The following NPFFR2 variants were observed in gnomAD, a reference collection of about 807,000 sequenced individuals.
NPFFR2 encodes the protein neuropeptide FF receptor 2.
NPFFR2 carries 15 observed loss-of-function variants against 13.1 expected under a neutral mutation model. The ratio of observed to expected loss-of-function variants is 1.15; its 90% confidence interval spans 0.77 to 1.76. NPFFR2 has a LOEUF of 1.76. Ranked by LOEUF, NPFFR2 falls within the 40% of genes most tolerant of loss-of-function variation. NPFFR2 has a pLI of 0.00. For synonymous variants in NPFFR2, 190 were observed against 175.7 expected, an observed-to-expected ratio of 1.08 and a Z score of -0.65; for missense variants, 572 against 503.5, an observed-to-expected ratio of 1.14 and a Z score of -1.30.
chr4:72,092,632 GT>G (rs1020236229), intron 1 of NPFFR2, among the ~76,000 whole-genome samples: 15 of 152,058 alleles, frequency 9.9e-5, no homozygotes, highest in African/African-American at 3.6e-4. Context: ...TTTAAAGTTT[GT>G]TTTGTCTGGT....
intron 1 of NPFFR2, among the ~76,000 whole-genome samples, chr4:72,063,594 C>T (rs956152499): frequency 1.3e-5 from 2 of 152,124 alleles, no homozygotes; most frequent in Admixed American, 6.5e-5. Context: ...GGTTTCAAAA[C>T]ATAATATTAG....
chr4:72,141,931 A>G, intron 3 of NPFFR2, among the ~76,000 whole-genome samples: 1 of 152,052 alleles, frequency 6.6e-6, no homozygotes, highest in East Asian at 1.9e-4. Flanking sequence ...TGCTTTATGA[A>G]TCTGGGTGCT....
At chr4:72,069,208 A>G (rs972655444) in intron 1 of NPFFR2, among the ~76,000 whole-genome samples, 1 of 152,168 alleles carries the variant, frequency 6.6e-6, no homozygotes, top group African/African-American at 2.4e-5. Flanking sequence ...AAGGCAAACT[A>G]TTAGCAATCT....
intron 1 of NPFFR2, among the ~76,000 whole-genome samples, chr4:72,046,104 A>T (rs56770153): frequency 0.067 from 10,166 of 152,206 alleles, 972 homozygotes; most frequent in East Asian, 0.47. Flanking sequence ...AGGCAAAAAA[A>T]TAGCTGCCAT....
intron 1 of NPFFR2, among the ~76,000 whole-genome samples, chr4:72,123,601 G>C (rs1560418069): frequency 2.0e-5 from 3 of 152,140 alleles, no homozygotes; most frequent in African/African-American, 7.2e-5. Context: ...ATGCAAGGCT[G>C]GTTCAAAATA....
chr4:72,112,753 T>C (rs4264803), intron 1 of NPFFR2, among the ~76,000 whole-genome samples: 135,334 of 151,844 alleles, frequency 0.89, 62,250 homozygotes, highest in East Asian at 0.99. Context: ...CTGTGAGTCA[T>C]GTGTCTCATG....
chr4:72,053,910 A>G (rs977133618), intron 1 of NPFFR2, among the ~76,000 whole-genome samples: 2 of 151,950 alleles, frequency 1.3e-5, no homozygotes, highest in African/African-American at 4.8e-5. Flanking sequence ...TATGTTTTGT[A>G]TAGGTCTCCT....
intron 1 of NPFFR2, among the ~76,000 whole-genome samples, chr4:72,055,645 T>C (rs1719722741): frequency 6.6e-6 from 1 of 152,002 alleles, no homozygotes; most frequent in Admixed American, 6.6e-5. Flanking sequence ...GCATGTCCAA[T>C]GCCAAGACAG....
intron 1 of NPFFR2, among the ~76,000 whole-genome samples, chr4:72,115,852 A>T (rs1262496421): frequency 6.6e-6 from 1 of 152,146 alleles, no homozygotes. Context: ...TTTAGACTTC[A>T]TAAAAGGTAT....
At position 72,046,107 on chromosome 4, in the gene NPFFR2, G is replaced by A. The variant is rs531532617; in HGVS notation, c.-8+13907G>A. Among the ~76,000 whole-genome samples, 63 of 152,184 alleles carry A rather than the reference G, an allele frequency of 4.1e-4. No individual in the cohort carries two copies. The South Asian group carries it at 0.013, about 31-fold the overall frequency. ...AATACCACAGGTAGGCAAAAAAATA[G>A]CTGCCATGACTTGGTTAAATGAAAA... On this transcript the variant is annotated intron_variant, in intron 1 of 3. Coordinates refer to ENST00000308744, the MANE Select transcript of NPFFR2 (RefSeq NM_004885.3).
intron 1 of NPFFR2, among the ~76,000 whole-genome samples, chr4:72,038,901 C>CTATCT (rs1719113690): frequency 2.3e-5 from 2 of 86,974 alleles, no homozygotes; most frequent in South Asian, 4.7e-4. Context: ...TTTAAATTTC[C>CTATCT]TTTCTTTTTT....
chr4:72,126,708 A>G (rs1157628143), intron 1 of NPFFR2, among the ~76,000 whole-genome samples: 2 of 152,304 alleles, frequency 1.3e-5, no homozygotes, highest in South Asian at 2.1e-4. Context: ...ATCATCCTCC[A>G]AGAAAAACCC....
At chr4:72,101,485 G>GTT (rs1333345463) in intron 1 of NPFFR2, among the ~76,000 whole-genome samples, 7 of 151,258 alleles carry the variant, frequency 4.6e-5, no homozygotes, top group African/African-American at 1.5e-4. Flanking sequence ...ATTAAAATAT[G>GTT]TTATATATAA....
intron 2 of NPFFR2, among the ~76,000 whole-genome samples, chr4:72,135,927 T>C (rs902647601): frequency 2.6e-5 from 4 of 152,150 alleles, no homozygotes; most frequent in Non-Finnish European, 4.4e-5. Flanking sequence ...ATAATCATAT[T>C]AGGGCATTTG....
At chr4:72,108,345 G>T (rs968151595) in intron 1 of NPFFR2, among the ~76,000 whole-genome samples, 2 of 151,916 alleles carry the variant, frequency 1.3e-5, no homozygotes, top group African/African-American at 4.8e-5. Flanking sequence ...CAATTATTAT[G>T]TTCACAAGAA....
In NPFFR2 at chr4:72,147,394, T is replaced by G. The variant is rs770821928; in HGVS notation, c.845T>G (p.Leu282Arg). The change falls in exon 4 of 4, where the codon CTT becomes CGT. Residue 282 changes from leucine (L) to arginine (R), a missense_variant. Transcript: ENST00000308744. ...IIKMLLIVALLFILSWLPLWT... is the reference protein window; with the variant it reads ...IIKMLLIVALRFILSWLPLWT... ...AAGATGCTCCTGATTGTGGCCCTGC[T>G]TTTTATTCTCTCATGGCTGCCCCTG... 5.6e-6 allele frequency: 9 copies of G among 1,614,044 alleles called. No individual in the cohort carries two copies. In the East Asian group the frequency reaches 1.8e-4, roughly 32 times the overall value.
chr4:72,128,879 A>G lies in NPFFR2; in HGVS notation c.288A>G (p.Ile96Met). Residue 96 changes from isoleucine to methionine, a missense_variant, in exon 2 of 4, where the codon ATA becomes ATG. Physicochemically the swap from Ile to Met is conservative, Grantham distance 10 (BLOSUM62 1). Coordinates refer to ENST00000308744, the MANE Select transcript of NPFFR2 (RefSeq NM_004885.3). ...NLAISDLLVGIFCMPITLLDN... is the reference protein window; with the variant it reads ...NLAISDLLVGMFCMPITLLDN... Reference sequence around the variant, plus strand: ...CCATAAGTGATTTACTAGTTGGCATATTCTGCATGCCTATAACACTGCTGG... The same window carrying G: ...CCATAAGTGATTTACTAGTTGGCATGTTCTGCATGCCTATAACACTGCTGG... 1 of 1,613,932 alleles carries G rather than the reference A, an allele frequency of 6.2e-7. No homozygotes were observed. The highest frequency in any genetic ancestry group is 8.5e-7 in the Non-Finnish European group (1 of 1,179,822).
At chr4:72,085,225 A>C (rs939738577) in intron 1 of NPFFR2, among the ~76,000 whole-genome samples, 1 of 152,122 alleles carries the variant, frequency 6.6e-6, no homozygotes, top group African/African-American at 2.4e-5. Context: ...TTCAACTGAC[A>C]TGAGGTGGCT....
At position 72,138,090 on chromosome 4, in the gene NPFFR2, A is replaced by C; in HGVS notation, c.379A>C (p.Ile127Leu). The C allele has an allele frequency of 6.2e-7, 1 of 1,613,806 alleles. No homozygotes were observed. Among genetic ancestry groups the C allele is most frequent in the Non-Finnish European group, 8.5e-7 (1 of 1,179,796 alleles). ...CAAGATCAGTGGATTGGTCCAGGGA[A>C]TATCTGTCGCAGCTTCAGTCTTTAC... ...MCKISGLVQG[I>L]SVAASVFTLV... Residue 127 changes from isoleucine to leucine, a missense_variant, in exon 3 of 4, where the codon ATA (isoleucine) becomes CTA (leucine). Transcript: ENST00000308744.
Sources: gnomAD v4.1 joint callset for allele counts (sites outside exome capture counted in the v4.1 genomes callset) on GRCh38, gnomAD v4.1.1 for gene constraint, MANE v1.5 for transcripts, NCBI Gene and HGNC (gene_info 2026-07-23, HGNC 2026-07-21) for gene names.